SRSF10: variants seen among roughly 807,000 people sequenced by gnomAD.
SRSF10 encodes serine/arginine-rich splicing factor 10.
SRSF10 carries 9 observed loss-of-function variants against 32.6 expected under a neutral mutation model. That is an observed-to-expected ratio of 0.28 (90% CI 0.17 to 0.48). The LOEUF is 0.48. SRSF10 is among the 20% of genes least tolerant of loss of function. SRSF10 has a pLI of 0.99. For synonymous variants in SRSF10, 105 were observed against 112.4 expected, an observed-to-expected ratio of 0.93 and a Z score of 0.42; for missense variants, 201 against 331.8, an observed-to-expected ratio of 0.61 and a Z score of 3.06.
In SRSF10 at chr1:23,969,368, C is replaced by T. The variant is rs1641612949; in HGVS notation, c.*1774G>A. 1.0e-5 allele frequency: 10 copies of T among 985,586 alleles called. No homozygotes were observed. The highest frequency in any genetic ancestry group is 1.2e-5 in the Non-Finnish European group (10 of 829,756). 61.1% of individuals were successfully genotyped at this position (985,586 alleles called of 1,614,324 possible). ...GGAAAATCTAAAAAAATTAAAGAAA[C>T]GTGCATATAAACGATTGCATAGCAG... On this transcript the variant is annotated 3_prime_UTR_variant, in exon 6 of 6. Coordinates refer to ENST00000492112, the MANE Select transcript of SRSF10 (RefSeq NM_054016.4).
Position 23,967,989 on chromosome 1 carries a change from TTAAG to T in SRSF10, c.*3149_*3152del, listed in dbSNP as rs1378829028. ...AAAAAAAAAAAAATGCAGAGAGATC[TTAAG>T]TAAAAGGAGAGGTGAAGTGTGTCAG... On this transcript the variant is annotated 3_prime_UTR_variant, in exon 6 of 6. Coordinates refer to ENST00000492112, the MANE Select transcript of SRSF10 (RefSeq NM_054016.4). 3 of 1,538,930 alleles carry T rather than the reference TTAAG, an allele frequency of 1.9e-6. No homozygotes were observed. The highest frequency in any genetic ancestry group is 4.9e-5 in the East Asian group (2 of 40,888).
rs2148501259 is a variant in SRSF10 at position 23,972,058 on chromosome 1, T to C, written c.275-46A>G. 8 of 1,415,582 alleles carry C rather than the reference T, an allele frequency of 5.7e-6. No individual in the cohort carries two copies. The East Asian group carries it at 1.8e-4, about 32-fold the overall frequency. 87.7% of individuals were successfully genotyped at this position (1,415,582 alleles called of 1,614,324 possible). Reference sequence around the variant, plus strand: ...AAATATTTAAAAATATTAAAAACAGTATTAAAGCCCTCAATAAATAGGGAA... The same window carrying C: ...AAATATTTAAAAATATTAAAAACAGCATTAAAGCCCTCAATAAATAGGGAA... On this transcript the variant is annotated intron_variant, in intron 3 of 5. Coordinates refer to ENST00000492112, the MANE Select transcript of SRSF10 (RefSeq NM_054016.4).
At chr1:23,978,316 AAGAAGTTTACCTCAT>A (rs1356762144) in intron 2 of SRSF10, 2 of 994,330 alleles carry the variant, frequency 2.0e-6, no homozygotes, top group East Asian at 2.2e-4. Flanking sequence ...GACAATATTA[AAGAAGTTTACCTCAT>A]TGTTATACAA....
rs2148495818 is a variant in SRSF10, at chr1:23,969,150, G to A, written c.*1992C>T. 1.0e-6 allele frequency: 1 copy of A among 985,422 alleles called. No individual in the cohort carries two copies. The highest frequency in any genetic ancestry group is 1.1e-4 in the East Asian group (1 of 8,814). 61.0% of individuals were successfully genotyped at this position (985,422 alleles called of 1,614,324 possible). A position where few individuals can be genotyped will look rare whatever the true frequency, so the allele number is the denominator to read the frequency against. On this transcript the variant is annotated 3_prime_UTR_variant, in exon 6 of 6. Coordinates refer to ENST00000492112, the MANE Select transcript of SRSF10 (RefSeq NM_054016.4). ...GCAAGCAGAAAATAAGCTGGGTCTT[G>A]TTTTGATCCAAACATTGATGTTTTA...
chr1:23,972,308 G>C (rs1440115859), intron 3 of SRSF10, among the ~76,000 whole-genome samples: 2 of 152,160 alleles, frequency 1.3e-5, no homozygotes, highest in South Asian at 2.1e-4. Flanking sequence ...GGAGGCTAAG[G>C]GGGGAAATCA....
Position 23,966,112 on chromosome 1 carries a change from T to C in SRSF10, c.*5030A>G, listed in dbSNP as rs1256445606. ...TCCCCATTGGATTAAACAACAAACATGGTAACAAAAGATGAAACAAGTGAA... is the reference window on the plus strand; with the variant it reads ...TCCCCATTGGATTAAACAACAAACACGGTAACAAAAGATGAAACAAGTGAA... On this transcript the variant is annotated 3_prime_UTR_variant, in exon 6 of 6. Transcript: ENST00000492112. The C allele has an allele frequency of 2.6e-5, 4 of 151,892 alleles. No individual in the cohort carries two copies. Among genetic ancestry groups the C allele is most frequent in the African/African-American group, 9.7e-5 (4 of 41,402 alleles). The allele number at this position is 151,892 out of a possible 1,614,324, so 9.4% of individuals were successfully genotyped here. A position where few individuals can be genotyped will look rare whatever the true frequency, so the allele number is the denominator to read the frequency against.
In SRSF10 at chr1:23,965,923, T is replaced by C. The variant is rs1458586021; in HGVS notation, c.*5219A>G. 2 of 151,928 alleles carry C rather than the reference T, an allele frequency of 1.3e-5. No homozygotes were observed. Among genetic ancestry groups the C allele is most frequent in the Non-Finnish European group, 2.9e-5 (2 of 67,834 alleles). The allele number at this position is 151,928 out of a possible 1,614,324, so 9.4% of individuals were successfully genotyped here. ...TAGCCTCTACATATTCTTTTAAAAA[T>C]ACATAGAACCTCTGTCCATAAGAAC... is the stretch of plus-strand genomic sequence containing the variant. On this transcript the variant is annotated 3_prime_UTR_variant, in exon 6 of 6. Transcript: ENST00000492112.
Position 23,970,413 on chromosome 1 carries a change from T to A in SRSF10, c.*729A>T, listed in dbSNP as rs1641678946. 1 of 930,724 alleles carries A rather than the reference T, an allele frequency of 1.1e-6. No individual in the cohort carries two copies. The highest frequency in any genetic ancestry group is 5.0e-5 in the South Asian group (1 of 20,056). The allele number at this position is 930,724 out of a possible 1,614,324, so 57.7% of individuals were successfully genotyped here. A position where few individuals can be genotyped will look rare whatever the true frequency, so the allele number is the denominator to read the frequency against. ...TCTCACTCTGTTGCCCAGGCTGGAG[T>A]GCAGTGGCGTGATTTTGGCTCACTG... On this transcript the variant is annotated 3_prime_UTR_variant, in exon 6 of 6. Coordinates refer to ENST00000492112, the MANE Select transcript of SRSF10 (RefSeq NM_054016.4).
Position 23,974,841 on chromosome 1 carries a change from A to G in SRSF10, c.274+133T>C, listed in dbSNP as rs911044776. 10 of 728,258 alleles carry G rather than the reference A, an allele frequency of 1.4e-5. No homozygotes were observed. The East Asian group carries it at 1.5e-4, about 11-fold the overall frequency. The allele number at this position is 728,258 out of a possible 1,614,324, so 45.1% of individuals were successfully genotyped here. A position where few individuals can be genotyped will look rare whatever the true frequency, so the allele number is the denominator to read the frequency against. On this transcript the variant is annotated intron_variant, in intron 3 of 5. Coordinates refer to ENST00000492112, the MANE Select transcript of SRSF10 (RefSeq NM_054016.4). Reference sequence around the variant, plus strand: ...GAGTGAGACTCCGTCTCAAAAAAAAAAAAGAAAGAAAGAAAGAAAAAAAAG... The same window carrying G: ...GAGTGAGACTCCGTCTCAAAAAAAAGAAAGAAAGAAAGAAAGAAAAAAAAG...
In SRSF10 at chr1:23,970,265, T is replaced by G; in HGVS notation, c.*877A>C. The G allele has an allele frequency of 1.0e-6, 1 of 985,124 alleles. No homozygotes were observed. The highest frequency in any genetic ancestry group is 1.2e-6 in the Non-Finnish European group (1 of 829,886). 61.0% of individuals were successfully genotyped at this position (985,124 alleles called of 1,614,324 possible). Reference sequence around the variant, plus strand: ...AAGGCTCCATGTTTCAGTCAAAAACTCAATTTCCCAGCTGGCATCATTCCC... The same window carrying G: ...AAGGCTCCATGTTTCAGTCAAAAACGCAATTTCCCAGCTGGCATCATTCCC... On this transcript the variant is annotated 3_prime_UTR_variant, in exon 6 of 6. Coordinates refer to ENST00000492112, the MANE Select transcript of SRSF10 (RefSeq NM_054016.4).
chr1:23,969,325 G>A lies in SRSF10; in HGVS notation c.*1817C>T, dbSNP rs1477852045. On this transcript the variant is annotated 3_prime_UTR_variant, in exon 6 of 6. Coordinates refer to ENST00000492112, the MANE Select transcript of SRSF10 (RefSeq NM_054016.4). ...TACAGTTTTAAATAGACTTTTTGTT[G>A]TTTAAACTATACATCCAGGAAAATC... 3.9e-5 allele frequency: 38 copies of A among 985,016 alleles called. No homozygotes were observed. In the South Asian group the frequency reaches 1.6e-3, roughly 43 times the overall value. 61.0% of individuals were successfully genotyped at this position (985,016 alleles called of 1,614,324 possible). A position where few individuals can be genotyped will look rare whatever the true frequency, so the allele number is the denominator to read the frequency against.
rs1031140615 is a variant in SRSF10, at chr1:23,974,481, A to G, written c.274+493T>C. Among the ~76,000 whole-genome samples, 335 of 152,264 alleles carry G rather than the reference A, an allele frequency of 2.2e-3. 1 individual carries two copies. Among genetic ancestry groups the G allele is most frequent in the African/African-American group, 7.8e-3 (323 of 41,548 alleles). On this transcript the variant is annotated intron_variant, in intron 3 of 5. Transcript: ENST00000492112. ...TACTTACACTTACCCCAAAACTTAC[A>G]ATCTGGAACACATGATGAAATATTC... is the stretch of plus-strand genomic sequence containing the variant.
chr1:23,971,200 C>T lies in SRSF10; in HGVS notation c.731G>A (p.Arg244Lys). The T allele has an allele frequency of 6.2e-7, 1 of 1,614,108 alleles. No individual in the cohort carries two copies. The change falls in exon 6 of 6, where the codon AGG becomes AAG. Residue 244 changes from arginine to lysine, a missense_variant. Physicochemically the swap from Arg to Lys is conservative, Grantham distance 26. Around this residue, in one of 3 missense-constraint regions of SRSF10, gnomAD observed 159 missense variants for 196.7 expected, o/e 0.81. Coordinates refer to ENST00000492112, the MANE Select transcript of SRSF10 (RefSeq NM_054016.4). ...RSKSQSRSQS[R>K]SRSKSRSRSW... ...CCTTGATCTAGATTTTGACCTAGACCTAGACTGTGATCTTGACTGAGATTT... is the reference window on the plus strand; with the variant it reads ...CCTTGATCTAGATTTTGACCTAGACTTAGACTGTGATCTTGACTGAGATTT...
Position 23,978,780 on chromosome 1 carries a change from G to A in SRSF10, c.103C>T (p.Pro35Ser), listed in dbSNP as rs1642232839. ...AGTGGAACATACACATCAACTATAGGACCATAACGACCAAATTCACGCCGC... is the reference window on the plus strand; with the variant it reads ...AGTGGAACATACACATCAACTATAGAACCATAACGACCAAATTCACGCCGC... ...DLRREFGRYGPIVDVYVPLDF... is the reference protein window; with the variant it reads ...DLRREFGRYGSIVDVYVPLDF... The change falls in exon 2 of 6, where the codon CCT becomes TCT. Residue 35 changes from proline (P) to serine (S), a missense_variant. Pro to Ser is a moderately conservative substitution (Grantham distance 74). This residue lies in a region of SRSF10 where 41 missense variants were observed against 109.5 expected (regional missense o/e 0.37). Coordinates refer to ENST00000492112, the MANE Select transcript of SRSF10 (RefSeq NM_054016.4). 5 of 1,608,128 alleles carry A rather than the reference G, an allele frequency of 3.1e-6. No individual in the cohort carries two copies. The highest frequency in any genetic ancestry group is 4.2e-6 in the Non-Finnish European group (5 of 1,176,816).
Position 23,971,993 on chromosome 1 carries a change from G to C in SRSF10, c.294C>G (p.Ala98=), listed in dbSNP as rs1641784071. The C allele has an allele frequency of 1.3e-6, 2 of 1,509,008 alleles. No homozygotes were observed. Among genetic ancestry groups the C allele is most frequent in the Non-Finnish European group, 1.8e-6 (2 of 1,134,410 alleles). 93.5% of individuals were successfully genotyped at this position (1,509,008 alleles called of 1,614,324 possible). Residue 98 remains alanine (A), a synonymous_variant, in exon 4 of 6, where the codon GCC becomes GCG. Transcript: ENST00000492112. ...AACTGTACACATTCCTCCCTTCCTT[G>C]GCTTTCATCTGATTTGGTGCTAGGA... is the stretch of plus-strand genomic sequence containing the variant. The part of the protein sequence containing the change: ...GDRKTPNQMK[A]KEGRNVYSSS...
Position 23,965,476 on chromosome 1 carries a change from A to G in SRSF10, c.*5666T>C, listed in dbSNP as rs371836763. 7 of 152,036 alleles carry G rather than the reference A, an allele frequency of 4.6e-5. No homozygotes were observed. The highest frequency in any genetic ancestry group is 1.7e-4 in the African/African-American group (7 of 41,466). The allele number at this position is 152,036 out of a possible 1,614,324, so 9.4% of individuals were successfully genotyped here. A position where few individuals can be genotyped will look rare whatever the true frequency, so the allele number is the denominator to read the frequency against. On this transcript the variant is annotated 3_prime_UTR_variant, in exon 6 of 6. Transcript: ENST00000492112. The stretch of plus-strand genomic sequence containing the variant: ...TGTAAGGTTGTGAGAAATGAATAGC[A>G]TAATATGCAAGAAGCTATCACATGA...
In SRSF10 at chr1:23,967,492, A is replaced by AATT. The variant is rs1211162253; in HGVS notation, c.*3649_*3650insAAT. 2 of 492,078 alleles carry AATT rather than the reference A, an allele frequency of 4.1e-6. No individual in the cohort carries two copies. The highest frequency in any genetic ancestry group is 3.8e-5 in the African/African-American group (2 of 52,352). 30.5% of individuals were successfully genotyped at this position (492,078 alleles called of 1,614,324 possible). A position where few individuals can be genotyped will look rare whatever the true frequency, so the allele number is the denominator to read the frequency against. On this transcript the variant is annotated 3_prime_UTR_variant, in exon 6 of 6. Transcript: ENST00000492112. ...GTTGAATTTCCTTTTATTTGTCCTA[A>AATT]AATGCTTACTTTCAAACTTGAAGGG...
intron 3 of SRSF10, among the ~76,000 whole-genome samples, chr1:23,974,106 C>T (rs1641936978): frequency 6.6e-6 from 1 of 151,910 alleles, no homozygotes; most frequent in Non-Finnish European, 1.5e-5. Context: ...ATTCTCCTGC[C>T]TCAGCCTCCC....
chr1:23,978,620 A>G, intron 2 of SRSF10, 93 bp downstream of exon 2: 2 of 1,436,544 alleles, frequency 1.4e-6, no homozygotes, highest in Non-Finnish European at 1.8e-6. Flanking sequence ...ATTAGAGGAC[A>G]AAAAGAACTA....
Sources: gnomAD v4.1 joint callset for allele counts (sites outside exome capture counted in the v4.1 genomes callset) on GRCh38, gnomAD v4.1.1 for gene constraint, gnomAD v4.1.1 regional missense constraint, MANE v1.5 for transcripts, NCBI Gene and HGNC (gene_info 2026-07-23, HGNC 2026-07-21) for gene names.